TTC23: variants seen among roughly 807,000 people sequenced by gnomAD.
The protein encoded by TTC23 is tetratricopeptide repeat protein 23.
Under a neutral mutation model 55.1 loss-of-function variants are expected in TTC23, and 58 were observed. The ratio of observed to expected loss-of-function variants is 1.05; its 90% CI spans 0.85 to 1.31. The LOEUF (loss-of-function observed/expected upper bound fraction) is 1.31. Among genes scored for constraint, TTC23 ranks in the 50% most tolerant of loss-of-function variants. The pLI, the probability that TTC23 is intolerant of heterozygous loss-of-function variation, is 0.00. For synonymous variants in TTC23, 203 were observed against 199.9 expected, an observed-to-expected ratio of 1.02 and a Z score of -0.13; for missense variants, 516 against 534.4, an observed-to-expected ratio of 0.97 and a Z score of 0.34.
chr15:99,196,718 C>G lies in TTC23; in HGVS notation c.759+3201G>C, dbSNP rs983340718. Among the ~76,000 whole-genome samples, 28 of 152,164 alleles carry G rather than the reference C, an allele frequency of 1.8e-4. 1 individual carries two copies. Among genetic ancestry groups the G allele is most frequent in the Non-Finnish European group, 1.5e-5 (1 of 68,032 alleles). On this transcript the variant is annotated intron_variant, in intron 9 of 13. Coordinates refer to ENST00000394132, the MANE Select transcript of TTC23 (RefSeq NM_001288615.3). Reference sequence around the variant, plus strand: ...GCTGCAGTCATCATCTCTGAGTTATCCCCCTGCTTATCTCACCACCATCCA... The same window carrying G: ...GCTGCAGTCATCATCTCTGAGTTATGCCCCTGCTTATCTCACCACCATCCA...
intron 8 of TTC23, among the ~76,000 whole-genome samples, chr15:99,213,798 A>T (rs1180983901): frequency 6.6e-6 from 1 of 152,174 alleles, no homozygotes; most frequent in Admixed American, 6.6e-5. Flanking sequence ...ACTTTTGGTG[A>T]ACATTTAGGC....
At chr15:99,171,595 G>A in intron 10 of TTC23, among the ~76,000 whole-genome samples, 1 of 121,346 alleles carries the variant, frequency 8.2e-6, no homozygotes, top group South Asian at 2.6e-4. Context: ...ACTGAGTCTC[G>A]CTCTGTCGCC....
chr15:99,238,006 C>T (rs936688408), intron 3 of TTC23, among the ~76,000 whole-genome samples: 2 of 152,180 alleles, frequency 1.3e-5, no homozygotes, highest in African/African-American at 4.8e-5. Flanking sequence ...CACTCTGTCA[C>T]CCAGGCTGGA....
rs111775071 is a variant in TTC23 at position 99,228,604 on chromosome 15, G to A, written c.109C>T (p.Leu37=). The part of the protein sequence containing the change: ...KFQNKLLQTA[L]FQPPREKLHL... Reference sequence around the variant, plus strand: ...AGTTTCTCTCGAGGAGGCTGGAATAGTGCTGTCTGAAGCAGCTTGTTTTGG... The same window carrying A: ...AGTTTCTCTCGAGGAGGCTGGAATAATGCTGTCTGAAGCAGCTTGTTTTGG... The change falls in exon 5 of 14, where the codon CTA becomes TTA. Residue 37 remains leucine (L), a synonymous_variant. Coordinates refer to ENST00000394132, the MANE Select transcript of TTC23 (RefSeq NM_001288615.3). The A allele has an allele frequency of 3.1e-6, 5 of 1,614,066 alleles. No individual in the cohort carries two copies. Among genetic ancestry groups the A allele is most frequent in the African/African-American group, 2.7e-5 (2 of 75,044 alleles).
intron 11 of TTC23, among the ~76,000 whole-genome samples, chr15:99,156,922 T>C (rs1192214468): frequency 1.3e-5 from 2 of 152,190 alleles, no homozygotes; most frequent in African/African-American, 4.8e-5. Flanking sequence ...AAAGCTGACA[T>C]GGATCAGTCC....
rs780431852 is a variant in TTC23, at chr15:99,221,902, C to T, written c.181-38G>A. 6.9e-6 allele frequency: 11 copies of T among 1,604,904 alleles called. No homozygotes were observed. The Admixed American group carries it at 8.5e-5, about 12-fold the overall frequency. On this transcript the variant is annotated intron_variant, in intron 5 of 13. Coordinates refer to ENST00000394132, the MANE Select transcript of TTC23 (RefSeq NM_001288615.3). ...GAAAACAGGCTTACCAGTTATACAA[C>T]TTAAGAGTCACAAAACACAAAATCA...
intron 3 of TTC23, among the ~76,000 whole-genome samples, chr15:99,236,319 TA>T (rs1239309515): frequency 6.6e-6 from 1 of 152,214 alleles, no homozygotes; most frequent in African/African-American, 2.4e-5. Context: ...TTTTTAATAA[TA>T]GCCATCCTAA....
chr15:99,231,221 G>T (rs2078907606), intron 4 of TTC23, among the ~76,000 whole-genome samples: 1 of 152,192 alleles, frequency 6.6e-6, no homozygotes. Flanking sequence ...ACTGTTACTG[G>T]TTTATATATT....
chr15:99,197,282 T>G (rs918239711), intron 9 of TTC23, among the ~76,000 whole-genome samples: 7 of 151,934 alleles, frequency 4.6e-5, no homozygotes, highest in African/African-American at 1.7e-4. Context: ...TTTTGTATTG[T>G]TAGTAGAGAT....
intron 8 of TTC23, among the ~76,000 whole-genome samples, chr15:99,214,560 G>A (rs1250873123): frequency 6.7e-6 from 1 of 149,824 alleles, no homozygotes; most frequent in Non-Finnish European, 1.5e-5. Context: ...TGAGTAGCTA[G>A]GACTATAGGT....
intron 9 of TTC23, among the ~76,000 whole-genome samples, chr15:99,196,590 G>C (rs769118238): frequency 6.6e-5 from 10 of 152,136 alleles, no homozygotes; most frequent in Non-Finnish European, 1.2e-4. Flanking sequence ...ACAACCCCCA[G>C]GCCTGTCATG....
At chr15:99,199,761 G>A (rs941842317) in intron 9 of TTC23, among the ~76,000 whole-genome samples, 158 bp downstream of exon 9, 15 of 152,180 alleles carry the variant, frequency 9.9e-5, no homozygotes, top group Admixed American at 3.9e-4. Context: ...GTGACCACCT[G>A]ATAAGAACAC....
At chr15:99,239,655 G>A (rs1427004689) in intron 3 of TTC23, among the ~76,000 whole-genome samples, 1 of 152,082 alleles carries the variant, frequency 6.6e-6, no homozygotes, top group Non-Finnish European at 1.5e-5. Context: ...ATAACTTCTT[G>A]CCTTATGCTT....
At chr15:99,188,807 T>C (rs778512553) in intron 9 of TTC23, among the ~76,000 whole-genome samples, 3 of 152,120 alleles carry the variant, frequency 2.0e-5, no homozygotes, top group Admixed American at 2.0e-4. Flanking sequence ...AGCTTGACAA[T>C]GTACTTTGTT....
chr15:99,227,452 ATCC>A (rs765020396), intron 5 of TTC23, among the ~76,000 whole-genome samples: 25 of 152,238 alleles, frequency 1.6e-4, no homozygotes, highest in Non-Finnish European at 3.2e-4. Context: ...TACTGCAAAT[ATCC>A]TCCTAACTGA....
chr15:99,238,445 A>G (rs2079503255), intron 3 of TTC23, among the ~76,000 whole-genome samples: 1 of 152,200 alleles, frequency 6.6e-6, no homozygotes, highest in African/African-American at 2.4e-5. Context: ...AAGAGTGGCA[A>G]GTGCTAAGAC....
intron 11 of TTC23, chr15:99,161,031 A>C (rs1230674399): frequency 6.6e-6 from 1 of 151,088 alleles, no homozygotes; most frequent in Admixed American, 6.6e-5. Context: ...AAAAAAAAAA[A>C]CTTAACGGAG....
Position 99,157,099 on chromosome 15 carries a change from T to A in TTC23, c.994-802A>T, listed in dbSNP as rs572283269. On this transcript the variant is annotated intron_variant, in intron 11 of 13. Coordinates refer to ENST00000394132, the MANE Select transcript of TTC23 (RefSeq NM_001288615.3). ...TCAGAGGGCTCAGCTGTGGTGGTGC[T>A]AGGATCTGAATCCAGCCAGTGATCT... is the stretch of plus-strand genomic sequence containing the variant. 2.7e-5 allele frequency: 4 copies of A among 149,956 alleles called. No homozygotes were observed. In the East Asian group the frequency reaches 7.8e-4, roughly 29 times the overall value. The allele number at this position is 149,956 out of a possible 1,614,324, so 9.3% of individuals were successfully genotyped here.
At chr15:99,155,113 G>T (rs1297828894) in intron 12 of TTC23, among the ~76,000 whole-genome samples, 3 of 151,888 alleles carry the variant, frequency 2.0e-5, no homozygotes, top group Admixed American at 1.3e-4. Context: ...CAATTAGCAG[G>T]ATATAAAATT....
Sources: allele counts gnomAD v4.1 joint callset (sites outside exome capture counted in the v4.1 genomes callset), GRCh38; gene constraint gnomAD v4.1.1; transcripts MANE v1.5; gene names NCBI Gene and HGNC (gene_info 2026-07-23, HGNC 2026-07-21).